Variants in HAPLN1 observed in about 807,000 individuals in gnomAD.
HAPLN1 encodes hyaluronan and proteoglycan link protein 1.
HAPLN1 carries 13 observed loss-of-function variants against 36.5 expected under a neutral mutation model. The observed-to-expected ratio is 0.36, with a 90% CI of 0.23 to 0.57. HAPLN1 has a LOEUF of 0.57. Among genes scored for constraint, HAPLN1 ranks in the 20% least tolerant of loss-of-function variants. HAPLN1 has a pLI of 0.83. For missense variants in HAPLN1, 407 were observed against 439.7 expected, an observed-to-expected ratio of 0.93 and a Z score of 0.66; for synonymous variants, 202 against 169.8, an observed-to-expected ratio of 1.19 and a Z score of -1.48.
chr5:83,665,460 G>A (rs1404328639), intron 2 of HAPLN1, among the ~76,000 whole-genome samples: 1 of 152,172 alleles, frequency 6.6e-6, no homozygotes, highest in Non-Finnish European at 1.5e-5. Flanking sequence ...AAAGCAGGGA[G>A]GGAAGCAGCA....
At chr5:83,686,142 C>CAAAAAAAA (rs535353958) in intron 1 of HAPLN1, 177 of 81,602 alleles carry the variant, frequency 2.2e-3, no homozygotes, top group African/African-American at 3.9e-3. Context: ...AAAATGTAGC[C>CAAAAAAAA]AAAAAAAAAA....
chr5:83,668,887 A>G (rs1750626546), intron 2 of HAPLN1, among the ~76,000 whole-genome samples: 1 of 152,226 alleles, frequency 6.6e-6, no homozygotes, highest in Non-Finnish European at 1.5e-5. Context: ...GAGGAGGAAT[A>G]GTGAAGCTGA....
Position 83,664,370 on chromosome 5 carries a change from T to C in HAPLN1, c.100+9054A>G, listed in dbSNP as rs192873367. Among the ~76,000 whole-genome samples, 380 of 152,216 alleles carry C rather than the reference T, an allele frequency of 2.5e-3. 1 individual carries two copies. The highest frequency in any genetic ancestry group is 4.0e-3 in the Non-Finnish European group (270 of 68,014). On this transcript the variant is annotated intron_variant, in intron 2 of 4. Coordinates refer to ENST00000274341, the MANE Select transcript of HAPLN1 (RefSeq NM_001884.4). The stretch of plus-strand genomic sequence containing the variant: ...CCCCCTCAGTGCTCTCTCACAACCT[T>C]TTTTTCCCTTAAAAACATTTGTTTT...
intron 1 of HAPLN1, among the ~76,000 whole-genome samples, chr5:83,679,843 A>G (rs892752683): frequency 2.0e-5 from 3 of 152,186 alleles, no homozygotes; most frequent in Non-Finnish European, 4.4e-5. Context: ...TTTATCTGTC[A>G]ATTAAAAGAG....
chr5:83,677,439 T>C (rs1561313517), intron 1 of HAPLN1, among the ~76,000 whole-genome samples: 1 of 152,220 alleles, frequency 6.6e-6, no homozygotes, highest in Admixed American at 6.5e-5. Context: ...TCATATTGCA[T>C]AGTTCTGTGA....
At chr5:83,668,846 G>T (rs1380206683) in intron 2 of HAPLN1, among the ~76,000 whole-genome samples, 1 of 152,208 alleles carries the variant, frequency 6.6e-6, no homozygotes, top group Non-Finnish European at 1.5e-5. Flanking sequence ...CAGATTTGAA[G>T]AAGGGGAGGC....
chr5:83,674,803 A>G (rs1448475564), intron 1 of HAPLN1: 1 of 152,176 alleles, frequency 6.6e-6, no homozygotes, highest in East Asian at 1.9e-4. Flanking sequence ...CCAGAACCTA[A>G]TTCACTTATT....
chr5:83,652,649 C>G lies in HAPLN1; in HGVS notation c.276G>C (p.Val92=). The G allele has an allele frequency of 6.2e-7, 1 of 1,614,020 alleles. No homozygotes were observed. Among genetic ancestry groups the G allele is most frequent in the South Asian group, 1.1e-5 (1 of 91,076 alleles). Residue 92 remains valine, a synonymous_variant, in exon 3 of 5, where the codon GTG becomes GTC. Transcript: ENST00000274341. Reference sequence around the variant, plus strand: ...GGTATCCCATGGAAACAAAAACATCCACTTCCTTGAGGTAATCCGAAGTTA... The same window carrying G: ...GGTATCCCATGGAAACAAAAACATCGACTTCCTTGAGGTAATCCGAAGTTA... ...TKLTSDYLKE[V]DVFVSMGYHK...
intron 4 of HAPLN1, among the ~76,000 whole-genome samples, chr5:83,643,839 T>C (rs1749774620): frequency 6.6e-6 from 1 of 152,244 alleles, no homozygotes; most frequent in Non-Finnish European, 1.5e-5. Context: ...ATGAATAAAA[T>C]GAATCAGTCA....
At chr5:83,684,707 G>C (rs1164103131) in intron 1 of HAPLN1, among the ~76,000 whole-genome samples, 1 of 152,052 alleles carries the variant, frequency 6.6e-6, no homozygotes, top group Non-Finnish European at 1.5e-5. Context: ...AGGTGAGATT[G>C]GACAGGGAGT....
rs1424286634 is a variant in HAPLN1 at position 83,639,316 on chromosome 5, G to A, written c.*2180C>T. ...ACGAATGGAAAAATGATGTGTAAGT[G>A]GTATAGATTTTAATCAGCTAACAGT... On this transcript the variant is annotated 3_prime_UTR_variant, in exon 5 of 5. Coordinates refer to ENST00000274341, the MANE Select transcript of HAPLN1 (RefSeq NM_001884.4). 6.6e-6 allele frequency: 1 copy of A among 151,968 alleles called. No individual in the cohort carries two copies. The highest frequency in any genetic ancestry group is 1.5e-5 in the Non-Finnish European group (1 of 67,892). 9.4% of individuals were successfully genotyped at this position (151,968 alleles called of 1,614,324 possible).
At chr5:83,687,410 A>G (rs1751155933) in intron 1 of HAPLN1, among the ~76,000 whole-genome samples, 1 of 152,224 alleles carries the variant, frequency 6.6e-6, no homozygotes, top group African/African-American at 2.4e-5. Context: ...ATATGCATAA[A>G]CAATATAAAT....
chr5:83,719,588 G>A (rs1751980372), intron 1 of HAPLN1, among the ~76,000 whole-genome samples: 1 of 152,100 alleles, frequency 6.6e-6, no homozygotes, highest in Non-Finnish European at 1.5e-5. Context: ...ATTTTTGTAG[G>A]TAAATGGAAT....
intron 2 of HAPLN1, among the ~76,000 whole-genome samples, chr5:83,661,810 G>A (rs1044096141): frequency 3.3e-5 from 5 of 151,998 alleles, no homozygotes; most frequent in Non-Finnish European, 1.5e-5. Context: ...CTTCTTAAAC[G>A]TAGTTATATA....
At chr5:83,673,845 G>A (rs1329732150) in intron 1 of HAPLN1, 2 of 259,104 alleles carry the variant, frequency 7.7e-6, no homozygotes, top group Non-Finnish European at 1.5e-5. Context: ...AAGTAACAAA[G>A]AGATGTGGCA....
At chr5:83,690,006 A>G (rs1463482919) in intron 1 of HAPLN1, among the ~76,000 whole-genome samples, 3 of 152,084 alleles carry the variant, frequency 2.0e-5, no homozygotes, top group African/African-American at 7.2e-5. Context: ...CATTTACAGT[A>G]TTATTAGTGC....
intron 2 of HAPLN1, among the ~76,000 whole-genome samples, chr5:83,653,689 T>A (rs1031129375): frequency 6.6e-6 from 1 of 152,222 alleles, no homozygotes; most frequent in Non-Finnish European, 1.5e-5. Context: ...TTTGTTTTCC[T>A]CCAAGTCCTT....
chr5:83,646,171 T>C (rs889972667), intron 3 of HAPLN1, among the ~76,000 whole-genome samples: 2 of 152,248 alleles, frequency 1.3e-5, no homozygotes. Flanking sequence ...CATCACTTGC[T>C]GGACTTTGAA....
At chr5:83,699,621 T>C (rs1751462649) in intron 1 of HAPLN1, among the ~76,000 whole-genome samples, 1 of 152,350 alleles carries the variant, frequency 6.6e-6, no homozygotes, top group Non-Finnish European at 1.5e-5. Flanking sequence ...AAAAAGGTTT[T>C]ACCACCCATT....
Sources: gnomAD v4.1 joint callset for allele counts (sites outside exome capture counted in the v4.1 genomes callset) on GRCh38, gnomAD v4.1.1 for gene constraint, MANE v1.5 for transcripts, NCBI Gene and HGNC (gene_info 2026-07-23, HGNC 2026-07-21) for gene names.